FSTL5: variants seen among roughly 807,000 people sequenced by gnomAD.
The protein encoded by FSTL5 is follistatin-related protein 5.
Under a neutral mutation model 89.1 loss-of-function variants are expected in FSTL5, and 62 were observed. The ratio of observed to expected loss-of-function variants is 0.70; its 90% CI spans 0.57 to 0.86. FSTL5 has a LOEUF of 0.86. Ranked by LOEUF, FSTL5 falls within the 40% of genes least tolerant of loss-of-function variation. FSTL5 has a pLI of 0.00. For missense variants in FSTL5, 1,057 were observed against 1,001.6 expected (o/e 1.06, Z -0.75); for synonymous variants, 383 against 346.2 (o/e 1.11, Z -1.18).
chr4:161,829,063 G>A (rs184781920), intron 4 of FSTL5, among the ~76,000 whole-genome samples: 12 of 149,244 alleles, frequency 8.0e-5, no homozygotes, highest in African/African-American at 2.9e-4. Context: ...CAATGGTGGC[G>A]AATTTATGAG....
chr4:161,526,586 C>T (rs572395028), intron 10 of FSTL5, among the ~76,000 whole-genome samples: 3 of 152,194 alleles, frequency 2.0e-5, no homozygotes, highest in Non-Finnish European at 2.9e-5. Context: ...TTAGGTCTAA[C>T]GTTTAAGTCT....
At chr4:162,108,977 G>A (rs1049020493) in intron 2 of FSTL5, among the ~76,000 whole-genome samples, 4 of 151,944 alleles carry the variant, frequency 2.6e-5, no homozygotes, top group African/African-American at 7.2e-5. Context: ...TAAAAAATAC[G>A]TAAAGTATAT....
intron 3 of FSTL5, among the ~76,000 whole-genome samples, chr4:161,962,026 AT>A (rs542395686): frequency 3.9e-5 from 6 of 152,084 alleles, no homozygotes; most frequent in African/African-American, 1.2e-4. Context: ...TTATAGCTAT[AT>A]TAATATCACA....
chr4:161,591,307 G>T (rs1043280194), intron 7 of FSTL5, among the ~76,000 whole-genome samples: 5 of 151,688 alleles, frequency 3.3e-5, no homozygotes, highest in Admixed American at 6.6e-5. Flanking sequence ...GGGACTGAGG[G>T]AATGGGGGAG....
At chr4:161,987,011 T>C (rs1735981551) in intron 3 of FSTL5, among the ~76,000 whole-genome samples, 1 of 152,164 alleles carries the variant, frequency 6.6e-6, no homozygotes, top group Admixed American at 6.6e-5. Context: ...ATATTCATAC[T>C]TTTCTCACTG....
chr4:161,468,199 A>G (rs1214051407), intron 13 of FSTL5, among the ~76,000 whole-genome samples: 4 of 151,772 alleles, frequency 2.6e-5, no homozygotes, highest in African/African-American at 9.7e-5. Context: ...GACCCCCACT[A>G]CATACTACTG....
intron 7 of FSTL5, among the ~76,000 whole-genome samples, chr4:161,597,981 C>CT (rs1734087858): frequency 6.6e-6 from 1 of 152,112 alleles, no homozygotes. Context: ...TAAAGAGTAT[C>CT]TTACTCAGTT....
At chr4:161,502,070 C>T (rs539748320) in intron 11 of FSTL5, among the ~76,000 whole-genome samples, 7 of 151,934 alleles carry the variant, frequency 4.6e-5, no homozygotes, top group Non-Finnish European at 8.8e-5. Flanking sequence ...GACTACCCTT[C>T]TTTAACTTTG....
At chr4:161,540,009 A>G (rs779420466) in intron 9 of FSTL5, among the ~76,000 whole-genome samples, 2 of 151,510 alleles carry the variant, frequency 1.3e-5, no homozygotes, top group African/African-American at 4.9e-5. Flanking sequence ...CTGTCTCCCA[A>G]TATTTTTACA....
chr4:161,923,966 C>T (rs1166232726), intron 3 of FSTL5, among the ~76,000 whole-genome samples: 1 of 151,716 alleles, frequency 6.6e-6, no homozygotes, highest in Non-Finnish European at 1.5e-5. Context: ...AAATGAATAG[C>T]TAGAACATAC....
chr4:162,040,453 T>C (rs1432254638), intron 2 of FSTL5, among the ~76,000 whole-genome samples: 1 of 151,832 alleles, frequency 6.6e-6, no homozygotes, highest in Non-Finnish European at 1.5e-5. Context: ...TACACACACA[T>C]ATAGGTTCAC....
At chr4:161,514,226 TACACAC>T (rs113099103) in intron 10 of FSTL5, among the ~76,000 whole-genome samples, 3 of 150,514 alleles carry the variant, frequency 2.0e-5, no homozygotes, top group Non-Finnish European at 4.5e-5. Flanking sequence ...AATAAAGTAT[TACACAC>T]ACACACACAT....
intron 15 of FSTL5, among the ~76,000 whole-genome samples, chr4:161,389,819 A>G (rs907209551): frequency 6.6e-6 from 1 of 152,118 alleles, no homozygotes; most frequent in African/African-American, 2.4e-5. Flanking sequence ...TTATTTTCCA[A>G]TTATTAATCA....
intron 4 of FSTL5, among the ~76,000 whole-genome samples, chr4:161,798,960 G>A (rs940504618): frequency 2.6e-5 from 4 of 151,606 alleles, no homozygotes; most frequent in East Asian, 1.9e-4. Flanking sequence ...CTAAGAAGTC[G>A]TTACAGTAAA....
rs776408932 is a variant in FSTL5, at chr4:161,656,328, A to G, written c.894T>C (p.Asn298=). 26 of 1,515,672 alleles carry G rather than the reference A, an allele frequency of 1.7e-5. 1 individual carries two copies. The South Asian group carries it at 2.2e-4, about 13-fold the overall frequency. The allele number at this position is 1,515,672 out of a possible 1,614,324, so 93.9% of individuals were successfully genotyped here. A position where few individuals can be genotyped will look rare whatever the true frequency, so the allele number is the denominator to read the frequency against. ...AAAGCAACTATATTTATGTACTCAC[A>G]TTGATGTCTTCCAAATCTAAATTAT... ...ILNNLDLEDI[N]DFGDDGSLYI... is the part of the protein sequence containing the mutation. Residue 298 remains asparagine, a splice_region_variant and synonymous_variant, in exon 7 of 16, where the codon AAT becomes AAC. Transcript: ENST00000306100.
chr4:161,846,647 A>C (rs2126876653), intron 4 of FSTL5, among the ~76,000 whole-genome samples: 1 of 152,224 alleles, frequency 6.6e-6, no homozygotes, highest in Admixed American at 6.5e-5. Context: ...TTTTCTTAAA[A>C]CCACAATATC....
chr4:161,845,167 T>G (rs1274380210), intron 4 of FSTL5, among the ~76,000 whole-genome samples: 1 of 152,218 alleles, frequency 6.6e-6, no homozygotes, highest in Non-Finnish European at 1.5e-5. Context: ...ACTTTTAAAA[T>G]GTACTTTAGC....
intron 4 of FSTL5, among the ~76,000 whole-genome samples, chr4:161,833,499 T>C (rs1465459812): frequency 2.1e-5 from 2 of 93,642 alleles, no homozygotes; most frequent in African/African-American, 7.0e-5. Flanking sequence ...TCTCCCATTA[T>C]TATTGTGTGG....
At chr4:161,858,121 C>T (rs1731778459) in intron 4 of FSTL5, among the ~76,000 whole-genome samples, 1 of 152,014 alleles carries the variant, frequency 6.6e-6, no homozygotes, top group South Asian at 2.1e-4. Flanking sequence ...GGATGAGGGC[C>T]CTTATATTAA....
Sources: gnomAD v4.1 joint callset for allele counts (sites outside exome capture counted in the v4.1 genomes callset) on GRCh38, gnomAD v4.1.1 for gene constraint, MANE v1.5 for transcripts, NCBI Gene and HGNC (gene_info 2026-07-23, HGNC 2026-07-21) for gene names.